Variants in LIMK1 observed in about 807,000 individuals in gnomAD.
LIMK1 encodes LIM domain kinase 1, also known as LIM motif-containing protein kinase.
Under a neutral mutation model 77.6 loss-of-function variants are expected in LIMK1, and 21 were observed. The ratio of observed to expected loss-of-function variants is 0.27; its 90% CI spans 0.19 to 0.39. The LOEUF (loss-of-function observed/expected upper bound fraction) is 0.39. Ranked by LOEUF, LIMK1 falls within the 10% of genes least tolerant of loss-of-function variation. LIMK1 has a pLI of 1.00. For synonymous variants in LIMK1, 358 were observed against 370.0 expected (o/e 0.97, Z 0.37); for missense variants, 696 against 901.6 (o/e 0.77, Z 2.92).
Position 74,083,948 on chromosome 7 carries a change from C to G in LIMK1, c.-43C>G. On this transcript the variant is annotated 5_prime_UTR_variant, in exon 1 of 16. Transcript: ENST00000336180. ...GTGGGCGAGCTCGCGGGCCCGGCCG[C>G]CCCCAGCCCCAGCCCCGCCGGGCCC... The G allele has an allele frequency of 1.2e-6, 1 of 853,100 alleles. No individual in the cohort carries two copies. Among genetic ancestry groups the G allele is most frequent in the Non-Finnish European group, 1.5e-6 (1 of 647,860 alleles). The allele number at this position is 853,100 out of a possible 1,614,324, so 52.8% of individuals were successfully genotyped here. A position where few individuals can be genotyped will look rare whatever the true frequency, so the allele number is the denominator to read the frequency against.
At chr7:74,094,269 C>T (rs1554695230) in intron 2 of LIMK1, 2 of 152,268 alleles carry the variant, frequency 1.3e-5, no homozygotes, top group Non-Finnish European at 2.9e-5. Flanking sequence ...TGCACTCAAA[C>T]CCTCGGGTGA....
Position 74,096,512 on chromosome 7 carries a change from A to C in LIMK1, c.153-110A>C, listed in dbSNP as rs1370954144. 6 of 1,466,356 alleles carry C rather than the reference A, an allele frequency of 4.1e-6. No homozygotes were observed. In the African/African-American group the frequency reaches 7.0e-5, roughly 17 times the overall value. 90.8% of individuals were successfully genotyped at this position (1,466,356 alleles called of 1,614,324 possible). ...AAGACTCCGTCTCAAAAAACAAACA[A>C]AAAGAAAACTTGTTCTAATTCTTAC... On this transcript the variant is annotated intron_variant, in intron 2 of 15. Transcript: ENST00000336180.
chr7:74,096,890 C>A (rs1354549848), intron 3 of LIMK1, 130 bp downstream of exon 3: 3 of 1,249,628 alleles, frequency 2.4e-6, no homozygotes, highest in African/African-American at 1.5e-5. Flanking sequence ...GCTTTCTGAG[C>A]CTGACTGTCT....
At position 74,121,364 on chromosome 7, in the gene LIMK1, C is replaced by G; in HGVS notation, c.*63C>G. On this transcript the variant is annotated 3_prime_UTR_variant, in exon 16 of 16. Coordinates refer to ENST00000336180, the MANE Select transcript of LIMK1 (RefSeq NM_002314.4). Reference sequence around the variant, plus strand: ...AGAATCCACCCCCACCAGATTCCTCCGCGGGAGGTGGCCCTCAGCTGGGAC... The same window carrying G: ...AGAATCCACCCCCACCAGATTCCTCGGCGGGAGGTGGCCCTCAGCTGGGAC... 1 of 1,437,072 alleles carries G rather than the reference C, an allele frequency of 7.0e-7. No homozygotes were observed. The highest frequency in any genetic ancestry group is 9.3e-7 in the Non-Finnish European group (1 of 1,079,476). 89.0% of individuals were successfully genotyped at this position (1,437,072 alleles called of 1,614,324 possible). A position where few individuals can be genotyped will look rare whatever the true frequency, so the allele number is the denominator to read the frequency against.
At chr7:74,091,009 G>A (rs564471156) in intron 2 of LIMK1, among the ~76,000 whole-genome samples, 2 of 152,212 alleles carry the variant, frequency 1.3e-5, no homozygotes, top group East Asian at 3.9e-4. Flanking sequence ...TGCCTCCCGG[G>A]TTCACACCAT....
intron 12 of LIMK1, among the ~76,000 whole-genome samples, chr7:74,112,973 G>A (rs1279625794): frequency 2.6e-5 from 4 of 152,072 alleles, no homozygotes; most frequent in Admixed American, 2.0e-4. Context: ...GAGAGGTGGT[G>A]TATTCGTGTC....
intron 12 of LIMK1, 79 bp from the exon 13 acceptor site, chr7:74,115,723 C>T (rs1237567813): frequency 4.8e-5 from 73 of 1,526,508 alleles, no homozygotes; most frequent in Non-Finnish European, 6.3e-5. Flanking sequence ...TACAGGTTGG[C>T]TTGGGGTCCT....
chr7:74,100,771 T>A (rs538374018), intron 5 of LIMK1, among the ~76,000 whole-genome samples: 67 of 149,898 alleles, frequency 4.5e-4, no homozygotes, highest in Non-Finnish European at 7.8e-4. Context: ...AGTCTCGCTC[T>A]GTCGCCCAGG....
At chr7:74,084,619 C>T (rs550389981) in intron 1 of LIMK1, among the ~76,000 whole-genome samples, 1 of 152,290 alleles carries the variant, frequency 6.6e-6, no homozygotes, top group East Asian at 1.9e-4. Flanking sequence ...CTGCGGGAGC[C>T]TCATCCACTC....
In LIMK1 at chr7:74,120,635, C is replaced by T. The variant is rs782023738; in HGVS notation, c.1620C>T (p.Cys540=). 6.2e-6 allele frequency: 10 copies of T among 1,614,052 alleles called. No homozygotes were observed. The highest frequency in any genetic ancestry group is 1.3e-5 in the African/African-American group (1 of 74,938). The change falls in exon 14 of 16, where the codon TGC becomes TGT. Residue 540 remains cysteine (C), a synonymous_variant. Coordinates refer to ENST00000336180, the MANE Select transcript of LIMK1 (RefSeq NM_002314.4). ...VDVFSFGIVL[C]EIIGRVNADP... ...TGTTCTCCTTTGGGATCGTCCTGTG[C>T]GAGGTAGGTCCAGGGTTGGGTAGCA...
Position 74,107,920 on chromosome 7 carries a change from G to T in LIMK1, c.1115G>T (p.Arg372Leu). ...GTGATGGTGATGAAGGAGCTGATCC[G>T]GTTCGACGAGGAGACCCAGAGGACG... ...GEVMVMKELI[R>L]FDEETQRTFL... is the part of the protein sequence containing the mutation. Residue 372 changes from arginine to leucine, a missense_variant, in exon 9 of 16, where the codon CGG becomes CTG. Physicochemically the swap from Arg to Leu is moderately radical, Grantham distance 102 (BLOSUM62 -2). Around this residue, in one of 3 missense-constraint regions of LIMK1, gnomAD observed 438 missense variants for 602.3 expected, o/e 0.73. Transcript: ENST00000336180. 1 of 1,576,914 alleles carries T rather than the reference G, an allele frequency of 6.3e-7. No individual in the cohort carries two copies. The highest frequency in any genetic ancestry group is 8.6e-7 in the Non-Finnish European group (1 of 1,161,038).
In LIMK1 at chr7:74,083,938, G is replaced by A; in HGVS notation, c.-53G>A. 1 of 613,980 alleles carries A rather than the reference G, an allele frequency of 1.6e-6. No individual in the cohort carries two copies. 38.0% of individuals were successfully genotyped at this position (613,980 alleles called of 1,614,324 possible). A position where few individuals can be genotyped will look rare whatever the true frequency, so the allele number is the denominator to read the frequency against. ...GCCGGCGGCGGTGGGCGAGCTCGCG[G>A]GCCCGGCCGCCCCCAGCCCCAGCCC... On this transcript the variant is annotated 5_prime_UTR_variant, in exon 1 of 16. Transcript: ENST00000336180.
chr7:74,107,005 C>G lies in LIMK1; in HGVS notation c.882-5C>G. On this transcript the variant is annotated splice_polypyrimidine_tract_variant and splice_region_variant and intron_variant, in intron 7 of 15. Coordinates refer to ENST00000336180, the MANE Select transcript of LIMK1 (RefSeq NM_002314.4). ...GTGGCACTTGGCACCATGTGTGCCC[C>G]CCAGGAGGAGCTGCAGCATCGACAG... The G allele has an allele frequency of 5.7e-6, 9 of 1,575,380 alleles. No individual in the cohort carries two copies. Among genetic ancestry groups the G allele is most frequent in the Non-Finnish European group, 7.7e-6 (9 of 1,161,778 alleles).
chr7:74,102,484 C>CTTTTTTTTTATTTTTTTTTTTTTTTTT (rs1799482861), intron 5 of LIMK1, among the ~76,000 whole-genome samples: 1 of 54,042 alleles, frequency 1.9e-5, no homozygotes, highest in Non-Finnish European at 3.5e-5. Context: ...AGGACCTTCT[C>CTTTTTTTTTATTTTTTTTTTTTTTTTT]TTTTTTTTTT....
intron 2 of LIMK1, chr7:74,094,441 C>T (rs1799298523): frequency 6.6e-6 from 1 of 152,212 alleles, no homozygotes; most frequent in African/African-American, 2.4e-5. Flanking sequence ...AATTCCTAAT[C>T]CCCCACCCAC....
intron 13 of LIMK1, among the ~76,000 whole-genome samples, chr7:74,117,906 G>A (rs781877916): frequency 6.6e-5 from 10 of 151,936 alleles, no homozygotes; most frequent in African/African-American, 1.2e-4. Flanking sequence ...CCAGGAGTTC[G>A]AGACCAGCCT....
At chr7:74,103,753 G>T (rs1338940982) in intron 5 of LIMK1, among the ~76,000 whole-genome samples, 2 of 152,048 alleles carry the variant, frequency 1.3e-5, no homozygotes, top group African/African-American at 4.8e-5. Context: ...ATTTGTTACT[G>T]TAAGGAAGAG....
rs1554700361 is a variant in LIMK1, at chr7:74,120,549, T to G, written c.1568-34T>G. The G allele has an allele frequency of 1.9e-6, 3 of 1,612,160 alleles. No individual in the cohort carries two copies. The Admixed American group carries it at 5.0e-5, about 27-fold the overall frequency. The stretch of plus-strand genomic sequence containing the variant: ...TTTTGGCATCCCTGGCACCCCCATG[T>G]GTTCATCTGCTGACAGTCGGTCTCT... On this transcript the variant is annotated intron_variant, in intron 13 of 15. Transcript: ENST00000336180.
At chr7:74,117,313 C>T (rs538191846) in intron 13 of LIMK1, among the ~76,000 whole-genome samples, 43 of 152,212 alleles carry the variant, frequency 2.8e-4, no homozygotes, top group Non-Finnish European at 5.1e-4. Context: ...CCACCATGGC[C>T]CTCCATCCTT....
Sources: gnomAD v4.1 joint callset for allele counts (sites outside exome capture counted in the v4.1 genomes callset) on GRCh38, gnomAD v4.1.1 for gene constraint, gnomAD v4.1.1 regional missense constraint, MANE v1.5 for transcripts, NCBI Gene and HGNC (gene_info 2026-07-23, HGNC 2026-07-21) for gene names.